The following LDLRAD4 variants were observed in gnomAD, a reference collection of about 807,000 sequenced individuals.
The protein encoded by LDLRAD4 is low-density lipoprotein receptor class A domain-containing protein 4.
In LDLRAD4, 5 loss-of-function variants were observed where a neutral mutation model predicts 17.0. The ratio of observed to expected loss-of-function variants is 0.29; its 90% confidence interval spans 0.15 to 0.62. The LOEUF (loss-of-function observed/expected upper bound fraction) is 0.62, where lower values mean the gene tolerates loss of function less well. LDLRAD4 is among the 20% of genes least tolerant of loss of function. The pLI is 0.84. For missense variants in LDLRAD4, 340 were observed against 424.7 expected (o/e 0.80, Z 1.75); for synonymous variants, 168 against 171.8 (o/e 0.98, Z 0.17).
At chr18:13,523,971 C>G (rs888302671) in intron 3 of LDLRAD4, among the ~76,000 whole-genome samples, 10 of 152,342 alleles carry the variant, frequency 6.6e-5, no homozygotes, top group African/African-American at 2.4e-4. Context: ...TGGTGAACCT[C>G]TCTCTGCCTT....
intron 3 of LDLRAD4, among the ~76,000 whole-genome samples, chr18:13,588,014 C>T (rs1034221047): frequency 6.6e-6 from 1 of 152,150 alleles, no homozygotes; most frequent in African/African-American, 2.4e-5. Context: ...ATCCAGAAAG[C>T]CTTTTTGTAT....
At chr18:13,451,802 T>G (rs2091852727) in intron 3 of LDLRAD4, among the ~76,000 whole-genome samples, 1 of 152,142 alleles carries the variant, frequency 6.6e-6, no homozygotes, top group Non-Finnish European at 1.5e-5. Flanking sequence ...TGGGCATGAA[T>G]CCCAATCCTG....
chr18:13,347,847 C>A (rs978474723), intron 1 of LDLRAD4, among the ~76,000 whole-genome samples: 2 of 152,204 alleles, frequency 1.3e-5, no homozygotes, highest in African/African-American at 4.8e-5. Flanking sequence ...GATACCCTTT[C>A]TTCCAGTTGA....
At position 13,310,973 on chromosome 18, in the gene LDLRAD4, A is replaced by G. The variant is rs116016612; in HGVS notation, c.-383+32785A>G. Among the ~76,000 whole-genome samples the G allele has an allele frequency of 8.8e-3, 1,336 of 152,316 alleles. 22 individuals are homozygous for G. Among genetic ancestry groups the G allele is most frequent in the African/African-American group, 0.03 (1,249 of 41,574 alleles). ...CGCTAGCATTTCTGTAGCCTTAGGT[A>G]TATTACATAACTCACAGAGTCTCAG... On this transcript the variant is annotated intron_variant, in intron 1 of 5. Coordinates refer to ENST00000359446, the Ensembl canonical transcript of LDLRAD4.
At chr18:13,601,355 C>A (rs1005487918) in intron 3 of LDLRAD4, among the ~76,000 whole-genome samples, 9 of 152,116 alleles carry the variant, frequency 5.9e-5, no homozygotes, top group Admixed American at 5.9e-4. Context: ...TTACAAGTGA[C>A]CAACAAACAT....
At chr18:13,634,789 GA>G (rs1467491687) in intron 4 of LDLRAD4, among the ~76,000 whole-genome samples, 3 of 144,144 alleles carry the variant, frequency 2.1e-5, no homozygotes, top group South Asian at 2.2e-4. Flanking sequence ...AAAAAAAAAA[GA>G]TTTGAAAAGT....
intron 3 of LDLRAD4, among the ~76,000 whole-genome samples, chr18:13,452,345 G>A (rs2091888321): frequency 6.6e-6 from 1 of 152,150 alleles, no homozygotes; most frequent in Non-Finnish European, 1.5e-5. Flanking sequence ...GGATGCAGCG[G>A]GTGCAGACTG....
chr18:13,268,198 C>T (rs1427871304), intron 1 of LDLRAD4, among the ~76,000 whole-genome samples: 2 of 152,168 alleles, frequency 1.3e-5, no homozygotes, highest in African/African-American at 4.8e-5. Flanking sequence ...GTGCCCACTC[C>T]GCCTCCCCTG....
intron 1 of LDLRAD4, among the ~76,000 whole-genome samples, chr18:13,288,824 GCCCCACAGACCATGGCAA>G (rs2045799955): frequency 8.2e-6 from 1 of 121,976 alleles, no homozygotes; most frequent in African/African-American, 2.7e-5. Flanking sequence ...CACGGTAGCA[GCCCCACAGACCATGGCAA>G]TTGACCGCAC....
intron 3 of LDLRAD4, among the ~76,000 whole-genome samples, chr18:13,583,551 A>C (rs1397423185): frequency 6.6e-6 from 1 of 152,236 alleles, no homozygotes; most frequent in East Asian, 1.9e-4. Flanking sequence ...GAAAGAAACG[A>C]GTTTGGCCGC....
chr18:13,435,491 G>C (rs895385596), intron 2 of LDLRAD4, among the ~76,000 whole-genome samples: 2 of 151,962 alleles, frequency 1.3e-5, no homozygotes, highest in African/African-American at 4.8e-5. Context: ...CTGTCACCTG[G>C]GCTTGGGAGC....
rs556505335 is a variant in LDLRAD4 at position 13,436,690 on chromosome 18, A to G, written c.41-1554A>G. On this transcript the variant is annotated intron_variant, in intron 2 of 5. Coordinates refer to ENST00000359446, the Ensembl canonical transcript of LDLRAD4. ...ATGTTACTTAGTAAATGTGATTTCA[A>G]ACAGCTGGGTTTTAATCTTTCCACC... Among the ~76,000 whole-genome samples, 5 of 152,352 alleles carry G rather than the reference A, an allele frequency of 3.3e-5. No homozygotes were observed. In the East Asian group the frequency reaches 9.6e-4, roughly 29 times the overall value.
chr18:13,642,160 C>T (rs555354477), intron 4 of LDLRAD4: 30 of 985,360 alleles, frequency 3.0e-5, no homozygotes, highest in Non-Finnish European at 3.4e-5. Context: ...AGGATGTCCC[C>T]GAGTATCTTA....
chr18:13,471,155 C>T (rs1006111484), intron 3 of LDLRAD4: 3 of 152,286 alleles, frequency 2.0e-5, no homozygotes, highest in Non-Finnish European at 4.4e-5. Context: ...ACTCCGTGGC[C>T]TTTCTAACTG....
chr18:13,296,580 T>TC, intron 1 of LDLRAD4, among the ~76,000 whole-genome samples: 1 of 141,842 alleles, frequency 7.1e-6, no homozygotes, highest in African/African-American at 2.7e-5. Context: ...TCTTAACCTT[T>TC]TTTTTTTTTT....
chr18:13,536,295 A>G (rs1291544416), intron 3 of LDLRAD4, among the ~76,000 whole-genome samples: 1 of 152,160 alleles, frequency 6.6e-6, no homozygotes, highest in East Asian at 1.9e-4. Flanking sequence ...TCCATACACT[A>G]AGGTCTTTGA....
chr18:13,455,155 A>G (rs992087303), intron 3 of LDLRAD4, among the ~76,000 whole-genome samples: 3 of 152,184 alleles, frequency 2.0e-5, no homozygotes, highest in Non-Finnish European at 2.9e-5. Flanking sequence ...CACCAGGACC[A>G]GGGATGTTCC....
intron 2 of LDLRAD4, among the ~76,000 whole-genome samples, chr18:13,412,806 C>T (rs922364717): frequency 6.6e-6 from 1 of 152,164 alleles, no homozygotes; most frequent in Non-Finnish European, 1.5e-5. Flanking sequence ...CGTAAGTGAA[C>T]GAATGAACTG....
At chr18:13,373,155 ATGTGTG>A (rs35632499) in intron 1 of LDLRAD4, among the ~76,000 whole-genome samples, 8 of 149,560 alleles carry the variant, frequency 5.3e-5, no homozygotes, top group African/African-American at 1.7e-4. Context: ...CAACTGTTTA[ATGTGTG>A]TGTGTGTGTG....
Sources: allele counts gnomAD v4.1 joint callset (sites outside exome capture counted in the v4.1 genomes callset), GRCh38; gene constraint gnomAD v4.1.1; transcripts MANE v1.5; gene names NCBI Gene and HGNC (gene_info 2026-07-23, HGNC 2026-07-21).